The following RIPOR3 variants were observed in gnomAD, a reference collection of about 807,000 sequenced individuals.
The protein encoded by RIPOR3 is family with sequence similarity 65 member C.
In RIPOR3, 95 loss-of-function variants were observed where a neutral mutation model predicts 114.3. The observed-to-expected ratio is 0.83, with a 90% CI of 0.70 to 0.99. The LOEUF is 0.99. Ranked by LOEUF, RIPOR3 falls within the 50% of genes least tolerant of loss-of-function variation. The probability of loss-of-function intolerance (pLI) is 0.00; values close to 1 mark genes in which losing one functional copy is unlikely to be tolerated. For synonymous variants in RIPOR3, 575 were observed against 543.8 expected (o/e 1.06, Z -0.80); for missense variants, 1,252 against 1,266.9 (o/e 0.99, Z 0.18).
chr20:50,611,049 A>G (rs989587249), intron 5 of RIPOR3, 132 bp downstream of exon 5: 1 of 1,540,246 alleles, frequency 6.5e-7, no homozygotes. Context: ...GCAGAGACTC[A>G]GCCTTCCCAT....
chr20:50,592,555 C>G lies in RIPOR3; in HGVS notation c.2375-9G>C, dbSNP rs561766573. The G allele has an allele frequency of 8.6e-6, 13 of 1,510,922 alleles. 1 individual carries two copies. In the South Asian group the frequency reaches 1.3e-4, roughly 15 times the overall value. The allele number at this position is 1,510,922 out of a possible 1,614,324, so 93.6% of individuals were successfully genotyped here. A position where few individuals can be genotyped will look rare whatever the true frequency, so the allele number is the denominator to read the frequency against. On this transcript the variant is annotated splice_polypyrimidine_tract_variant and intron_variant, in intron 18 of 21. Coordinates refer to ENST00000327979, the MANE Select transcript of RIPOR3 (RefSeq NM_001290268.2). ...CTCCTCGATGAGTGTCACTAGAAGA[C>G]AGGAAAGAGGTGGGCCCAGGTCCCC... is the stretch of plus-strand genomic sequence containing the variant.
chr20:50,616,986 C>G (rs2084197541), intron 3 of RIPOR3, among the ~76,000 whole-genome samples: 1 of 152,128 alleles, frequency 6.6e-6, no homozygotes, highest in Non-Finnish European at 1.5e-5. Context: ...CCTAAAAATA[C>G]AAAAACTTAG....
At chr20:50,683,311 G>C (rs1404664617) in intron 1 of RIPOR3, among the ~76,000 whole-genome samples, 1 of 152,188 alleles carries the variant, frequency 6.6e-6, no homozygotes, top group African/African-American at 2.4e-5. Context: ...CAGCACGCAG[G>C]TGGGACCATG....
chr20:50,587,756 G>A (rs752708232), intron 21 of RIPOR3, 46 bp downstream of exon 21: 5 of 1,590,174 alleles, frequency 3.1e-6, no homozygotes, highest in Admixed American at 3.4e-5. Context: ...AGATTCTAAG[G>A]GCCCCAGGCA....
In RIPOR3 at chr20:50,622,692, C is replaced by CAGAG. The variant is rs139986638; in HGVS notation, c.123-2564_123-2561dup. On this transcript the variant is annotated intron_variant, in intron 2 of 21. Transcript: ENST00000327979. Reference sequence around the variant, plus strand: ...TCATCCACCCCTTGGCTCTGGACTGCAGAGAGAGAGAGAGAGGAATAACCA... The same window carrying CAGAG: ...TCATCCACCCCTTGGCTCTGGACTGCAGAGAGAGAGAGAGAGAGAGGAATAACCA... Among the ~76,000 whole-genome samples the CAGAG allele has an allele frequency of 1.9e-4, 29 of 150,308 alleles. 1 individual carries two copies. Among genetic ancestry groups the CAGAG allele is most frequent in the Admixed American group, 4.0e-4 (6 of 15,056 alleles).
rs2083547183 is a variant in RIPOR3 at position 50,602,648 on chromosome 20, G to A, written c.1087-4C>T. The A allele has an allele frequency of 1.4e-6, 2 of 1,465,412 alleles. No homozygotes were observed. Among genetic ancestry groups the A allele is most frequent in the Admixed American group, 2.4e-5 (1 of 40,924 alleles). The allele number at this position is 1,465,412 out of a possible 1,614,324, so 90.8% of individuals were successfully genotyped here. ...GTGTTGGCTGCTGTAGGACAGACTG[G>A]AGAGGGGACACGGGAGCGGCCTCAC... is the stretch of plus-strand genomic sequence containing the variant. On this transcript the variant is annotated splice_polypyrimidine_tract_variant and splice_region_variant and intron_variant, in intron 12 of 21. Transcript: ENST00000327979. This position sits in a 1 kb window ranked among gnomAD's most constrained non-coding sequence, Gnocchi z 4.3.
At chr20:50,639,417 C>G (rs531935102) in intron 1 of RIPOR3, among the ~76,000 whole-genome samples, 1 of 152,136 alleles carries the variant, frequency 6.6e-6, no homozygotes, top group Non-Finnish European at 1.5e-5. Flanking sequence ...TTCTAAACCC[C>G]GGACACTGGG....
chr20:50,609,023 C>T, intron 8 of RIPOR3, 68 bp from the exon 9 acceptor site: 2 of 1,533,744 alleles, frequency 1.3e-6, no homozygotes, highest in Non-Finnish European at 1.8e-6. Context: ...CACAGGTCCT[C>T]TCTGGGGTTC....
At chr20:50,662,664 CA>C (rs1363972218) in intron 1 of RIPOR3, among the ~76,000 whole-genome samples, 1 of 152,230 alleles carries the variant, frequency 6.6e-6, no homozygotes, top group East Asian at 1.9e-4. Context: ...CGTGGACCCA[CA>C]GGGGTGTCCA....
At chr20:50,619,544 C>T (rs1303615052) in intron 3 of RIPOR3, among the ~76,000 whole-genome samples, 6 of 152,116 alleles carry the variant, frequency 3.9e-5, no homozygotes, top group African/African-American at 1.4e-4. Flanking sequence ...TTCACTCAAA[C>T]ACCCACCGCC....
intron 1 of RIPOR3, among the ~76,000 whole-genome samples, chr20:50,688,667 C>T (rs929661468): frequency 1.3e-5 from 2 of 152,184 alleles, no homozygotes; most frequent in Non-Finnish European, 2.9e-5. Flanking sequence ...ATTCTCTTCA[C>T]ATCTGCCCAG....
rs201625202 is a variant in RIPOR3, at chr20:50,593,231, A to C, written c.2213-35T>G. The C allele has an allele frequency of 3.0e-4, 478 of 1,596,696 alleles. 2 individuals carry two copies. The African/African-American group carries it at 5.9e-3, about 20-fold the overall frequency. On this transcript the variant is annotated intron_variant, in intron 17 of 21. Coordinates refer to ENST00000327979, the MANE Select transcript of RIPOR3 (RefSeq NM_001290268.2). ...GGGGAGAGTACATCAGGAGAAACTG[A>C]GACCTCGACCCTCCACGCTTCTCAG...
intron 1 of RIPOR3, among the ~76,000 whole-genome samples, chr20:50,647,853 T>C (rs1377576047): frequency 1.3e-5 from 2 of 152,056 alleles, no homozygotes; most frequent in African/African-American, 4.8e-5. Context: ...CATCTATACA[T>C]TGGAAGCCAC....
chr20:50,602,024 C>G lies in RIPOR3; in HGVS notation c.1659+48G>C. 2.1e-6 allele frequency: 3 copies of G among 1,435,224 alleles called. No homozygotes were observed. The highest frequency in any genetic ancestry group is 2.7e-6 in the Non-Finnish European group (3 of 1,094,584). The allele number at this position is 1,435,224 out of a possible 1,614,324, so 88.9% of individuals were successfully genotyped here. ...CCCAGAGCCCCCGACTCCCAGTCAT[C>G]ATGCCATCAGCAAAGCAGGGCCACC... is the stretch of plus-strand genomic sequence containing the variant. On this transcript the variant is annotated intron_variant, in intron 13 of 21. Transcript: ENST00000327979. The surrounding 1 kb of genome is among the most constrained non-coding windows in gnomAD (Gnocchi z 4.3).
chr20:50,638,081 T>C (rs968375243), intron 1 of RIPOR3, among the ~76,000 whole-genome samples: 2 of 152,108 alleles, frequency 1.3e-5, no homozygotes, highest in African/African-American at 4.8e-5. Flanking sequence ...TTGGTTTAAA[T>C]AGAGCAGGTT....
intron 20 of RIPOR3, among the ~76,000 whole-genome samples, chr20:50,589,399 C>T (rs1033729922): frequency 2.2e-4 from 33 of 152,058 alleles, no homozygotes; most frequent in African/African-American, 7.5e-4. Flanking sequence ...CCTCCACCTC[C>T]CGGGTTCAAG....
chr20:50,678,171 T>C (rs1439056488), intron 1 of RIPOR3, among the ~76,000 whole-genome samples: 3 of 152,118 alleles, frequency 2.0e-5, no homozygotes, highest in Non-Finnish European at 4.4e-5. Flanking sequence ...CAAAGTGTGT[T>C]GGAGCAGAGA....
chr20:50,637,085 C>T (rs982561288), intron 1 of RIPOR3, among the ~76,000 whole-genome samples: 1 of 152,144 alleles, frequency 6.6e-6, no homozygotes, highest in African/African-American at 2.4e-5. Flanking sequence ...GACAGGCGCC[C>T]GAGGAGGCTT....
intron 1 of RIPOR3, among the ~76,000 whole-genome samples, chr20:50,642,811 G>A (rs1206251058): frequency 6.6e-6 from 1 of 151,994 alleles, no homozygotes; most frequent in African/African-American, 2.4e-5. Context: ...CACTTTGGGA[G>A]GTCAAAGCGG....
Sources: allele counts gnomAD v4.1 joint callset (sites outside exome capture counted in the v4.1 genomes callset), GRCh38; gene constraint gnomAD v4.1.1; non-coding constraint Gnocchi (gnomAD v3.1); transcripts MANE v1.5; gene names NCBI Gene and HGNC (gene_info 2026-07-23, HGNC 2026-07-21).